GORASP2: variants seen among roughly 807,000 people sequenced by gnomAD.
The protein encoded by GORASP2 is golgi reassembly stacking protein 2, also known as Golgi reassembly-stacking protein 2.
GORASP2 carries 22 observed loss-of-function variants against 45.7 expected under a neutral mutation model. That is an observed-to-expected ratio of 0.48 (90% CI 0.34 to 0.69). The LOEUF (loss-of-function observed/expected upper bound fraction) is 0.69, where lower values mean the gene tolerates loss of function less well. GORASP2 is among the 30% of genes least tolerant of loss of function. GORASP2 has a pLI of 0.01. For missense variants in GORASP2, 491 were observed against 562.7 expected, an observed-to-expected ratio of 0.87 and a Z score of 1.29; for synonymous variants, 221 against 215.6, an observed-to-expected ratio of 1.02 and a Z score of -0.22.
At chr2:170,949,894 G>C (rs1015546794) in intron 3 of GORASP2, 152 bp downstream of exon 3, 1 of 638,876 alleles carries the variant, frequency 1.6e-6, no homozygotes, top group Non-Finnish European at 2.7e-6. Flanking sequence ...TTTAAGTATG[G>C]ATCAATTTTT....
intron 1 of GORASP2, among the ~76,000 whole-genome samples, chr2:170,938,542 C>T (rs1240230886): frequency 1.3e-5 from 2 of 152,182 alleles, no homozygotes; most frequent in Non-Finnish European, 2.9e-5. Flanking sequence ...TACAGTGTTA[C>T]TACACACATT....
intron 1 of GORASP2, among the ~76,000 whole-genome samples, chr2:170,936,317 C>G (rs866252323): frequency 6.7e-6 from 1 of 148,958 alleles, no homozygotes; most frequent in Non-Finnish European, 1.5e-5. Flanking sequence ...GCCTTGAACT[C>G]CTGGGCTCAA....
intron 9 of GORASP2, among the ~76,000 whole-genome samples, chr2:170,963,834 G>A (rs1704626847): frequency 6.6e-6 from 1 of 151,986 alleles, no homozygotes; most frequent in Non-Finnish European, 1.5e-5. Flanking sequence ...TTGTAGAGAA[G>A]GGGTTTCACC....
chr2:170,966,774 T>G lies in GORASP2; in HGVS notation c.*644T>G, dbSNP rs1013826752. On this transcript the variant is annotated 3_prime_UTR_variant, in exon 10 of 10. Transcript: ENST00000234160. ...ACATTTTGTAACTGCTGCTGTTGCT[T>G]TCTACATACACCTTATAAAGTGACA... 1.3e-5 allele frequency: 2 copies of G among 154,498 alleles called. No homozygotes were observed. Among genetic ancestry groups the G allele is most frequent in the African/African-American group, 4.8e-5 (2 of 41,458 alleles). The allele number at this position is 154,498 out of a possible 1,614,324, so 9.6% of individuals were successfully genotyped here.
chr2:170,962,882 C>G lies in GORASP2; in HGVS notation c.954C>G (p.Leu318=). The G allele has an allele frequency of 6.2e-7, 1 of 1,614,058 alleles. No homozygotes were observed. The highest frequency in any genetic ancestry group is 8.5e-7 in the Non-Finnish European group (1 of 1,179,974). Residue 318 remains leucine (L), a synonymous_variant, in exon 9 of 10, where the codon CTC becomes CTG. Coordinates refer to ENST00000234160, the MANE Select transcript of GORASP2 (RefSeq NM_015530.5). ...CAGGACTGCCCAACCTCCCCAACCT[C>G]AACCTCAACCTCCCAGCACCACACA... ...LPAGLPNLPN[L]NLNLPAPHIM...
chr2:170,944,441 A>G (rs1248561402), intron 1 of GORASP2, among the ~76,000 whole-genome samples: 1 of 152,228 alleles, frequency 6.6e-6, no homozygotes, highest in Admixed American at 6.6e-5. Context: ...TTCAAGGGCC[A>G]TTAGAAACAG....
At chr2:170,954,380 C>A (rs1293051161) in intron 5 of GORASP2, 3 of 323,384 alleles carry the variant, frequency 9.3e-6, no homozygotes, top group South Asian at 6.4e-5. Context: ...GTGATGAATT[C>A]TTGAAAAATA....
At chr2:170,963,019 G>A in intron 9 of GORASP2, 73 bp downstream of exon 9, 1 of 935,026 alleles carries the variant, frequency 1.1e-6, no homozygotes, top group Non-Finnish European at 1.8e-6. Flanking sequence ...ATCCTCTTCA[G>A]TTTTTTCTGG....
At chr2:170,929,434 C>A in intron 1 of GORASP2, 31 bp downstream of exon 1, 1 of 1,347,174 alleles carries the variant, frequency 7.4e-7, no homozygotes. Context: ...CGGGGAGCTG[C>A]GGGCTGGAGG....
At chr2:170,930,451 A>G (rs1703791999) in intron 1 of GORASP2, among the ~76,000 whole-genome samples, 1 of 152,204 alleles carries the variant, frequency 6.6e-6, no homozygotes, top group Admixed American at 6.5e-5. Context: ...ACTGAAAGTA[A>G]GAGAGTGCAC....
Position 170,956,424 on chromosome 2 carries a change from T to G in GORASP2, c.700-12T>G, listed in dbSNP as rs534345100. ...TAAGTAATCTTTGTGTTTTTTTTTC[T>G]TTTTTTGGAAGGTCCAGCTGTCCTC... On this transcript the variant is annotated splice_polypyrimidine_tract_variant and intron_variant, in intron 6 of 9. Coordinates refer to ENST00000234160, the MANE Select transcript of GORASP2 (RefSeq NM_015530.5). The G allele has an allele frequency of 1.3e-6, 2 of 1,575,296 alleles. No individual in the cohort carries two copies. The highest frequency in any genetic ancestry group is 2.0e-5 in the Admixed American group (1 of 49,284).
intron 7 of GORASP2, among the ~76,000 whole-genome samples, chr2:170,960,593 C>A (rs1477226304): frequency 6.6e-6 from 1 of 152,140 alleles, no homozygotes; most frequent in African/African-American, 2.4e-5. Flanking sequence ...TTTCTTAAAA[C>A]CGAGATTTCA....
intron 4 of GORASP2, among the ~76,000 whole-genome samples, 191 bp from the exon 5 acceptor site, chr2:170,951,137 G>A (rs1179948906): frequency 1.3e-5 from 2 of 152,176 alleles, no homozygotes; most frequent in Non-Finnish European, 2.9e-5. Context: ...ATAAAGCCTT[G>A]TATGTAGTAA....
chr2:170,938,641 A>G (rs1704008395), intron 1 of GORASP2, among the ~76,000 whole-genome samples: 1 of 152,232 alleles, frequency 6.6e-6, no homozygotes, highest in Admixed American at 6.5e-5. Context: ...TAGCTTAGCA[A>G]CAGTTAGACT....
chr2:170,966,541 T>G lies in GORASP2; in HGVS notation c.*411T>G, dbSNP rs1221683475. ...CATTTCTTGTACTTTGTAAGTCGTT[T>G]GCGAGAATGCAGACCACCTCACTAA... On this transcript the variant is annotated 3_prime_UTR_variant, in exon 10 of 10. Coordinates refer to ENST00000234160, the MANE Select transcript of GORASP2 (RefSeq NM_015530.5). 1 of 220,924 alleles carries G rather than the reference T, an allele frequency of 4.5e-6. No individual in the cohort carries two copies. The highest frequency in any genetic ancestry group is 9.1e-6 in the Non-Finnish European group (1 of 110,276). The allele number at this position is 220,924 out of a possible 1,614,324, so 13.7% of individuals were successfully genotyped here.
intron 1 of GORASP2, chr2:170,936,589 GA>G (rs1703962357): frequency 8.0e-7 from 1 of 1,253,840 alleles, no homozygotes; most frequent in African/African-American, 1.5e-5. Context: ...GTAGCATGAA[GA>G]TAATTATTCT....
In GORASP2 at chr2:170,960,442, T is replaced by C. The variant is rs141679830; in HGVS notation, c.824-1221T>C. 9.7e-3 allele frequency among the ~76,000 whole-genome samples: 1,477 copies of C among 152,354 alleles called. 11 individuals are homozygous for C. Among genetic ancestry groups the C allele is most frequent in the Admixed American group, 0.019 (284 of 15,304 alleles). On this transcript the variant is annotated intron_variant, in intron 7 of 9. Coordinates refer to ENST00000234160, the MANE Select transcript of GORASP2 (RefSeq NM_015530.5). ...TAGATTTAGAATTCCTGTCTTAGAT[T>C]GAGTCTTCCTGGCTTAGATTTAGTC...
intron 1 of GORASP2, among the ~76,000 whole-genome samples, chr2:170,934,349 A>G (rs746271115): frequency 6.6e-6 from 1 of 151,196 alleles, no homozygotes; most frequent in Non-Finnish European, 1.5e-5. Context: ...ATCTCGGCTC[A>G]CTGCAACCTC....
Position 170,931,992 on chromosome 2 carries a change from G to A in GORASP2, c.63+2589G>A, listed in dbSNP as rs1260608088. Among the ~76,000 whole-genome samples the A allele has an allele frequency of 3.3e-5, 5 of 152,198 alleles. No individual in the cohort carries two copies. The South Asian group carries it at 8.3e-4, about 25-fold the overall frequency. ...CCTGTAATCCCCACTTTGGGAGGCC[G>A]AGGTGGGCGGATCACCTGAGGTCAG... On this transcript the variant is annotated intron_variant, in intron 1 of 9. Transcript: ENST00000234160.
Sources: allele counts gnomAD v4.1 joint callset (sites outside exome capture counted in the v4.1 genomes callset), GRCh38; gene constraint gnomAD v4.1.1; transcripts MANE v1.5; gene names NCBI Gene and HGNC (gene_info 2026-07-23, HGNC 2026-07-21).